MYBL2: variants seen among roughly 807,000 people sequenced by gnomAD.
MYBL2 encodes myb-related protein B.
A neutral mutation model predicts 79.9 loss-of-function variants in MYBL2; 28 were observed. That is an observed-to-expected ratio of 0.35 (90% confidence interval 0.26 to 0.48). The LOEUF is 0.48. Ranked by LOEUF, MYBL2 falls within the 20% of genes least tolerant of loss-of-function variation. The pLI is 0.99. For synonymous variants in MYBL2, 378 were observed against 361.2 expected (o/e 1.05, Z -0.53); for missense variants, 735 against 893.9 (o/e 0.82, Z 2.27).
rs757655343 is a variant in MYBL2, at chr20:43,705,347, G to T, written c.1494G>T (p.Gln498His). Reference sequence around the variant, plus strand: ...ACCGGGACAAGACACCCCTGCACCAGAAACATGCTGCGTGAGTGCTGCAGT... The same window carrying T: ...ACCGGGACAAGACACCCCTGCACCATAAACATGCTGCGTGAGTGCTGCAGT... Reference protein sequence around the residue: ...PLHRDKTPLHQKHAAFVTPDQ... With the variant: ...PLHRDKTPLHHKHAAFVTPDQ... The change falls in exon 9 of 14, where the codon CAG (glutamine) becomes CAT (histidine). Residue 498 changes from glutamine to histidine, a missense_variant. By Grantham distance (24) the Gln-to-His change is conservative. Coordinates refer to ENST00000217026, the MANE Select transcript of MYBL2 (RefSeq NM_002466.4). 4 of 1,611,974 alleles carry T rather than the reference G, an allele frequency of 2.5e-6. No individual in the cohort carries two copies. The Admixed American group carries it at 6.7e-5, about 27-fold the overall frequency.
intron 4 of MYBL2, 64 bp downstream of exon 4, chr20:43,682,950 T>A: frequency 6.7e-7 from 1 of 1,483,640 alleles, no homozygotes; most frequent in East Asian, 2.3e-5. Context: ...CTGGGGACTG[T>A]GAGATTGCCT....
intron 9 of MYBL2, among the ~76,000 whole-genome samples, chr20:43,707,735 G>C (rs377638233): frequency 6.6e-6 from 1 of 152,050 alleles, no homozygotes; most frequent in Non-Finnish European, 1.5e-5. Flanking sequence ...AATTTGACAG[G>C]CTGTATGGTG....
intron 5 of MYBL2, 24 bp from the exon 6 acceptor site, chr20:43,692,133 A>G (rs2145721462): frequency 6.2e-7 from 1 of 1,609,866 alleles, no homozygotes. Context: ...CTGGGGTTCA[A>G]AGGCCCCCTG....
At position 43,680,745 on chromosome 20, in the gene MYBL2, G is replaced by T. The variant is rs562974653; in HGVS notation, c.115-1039G>T. Among the ~76,000 whole-genome samples, 53 of 152,210 alleles carry T rather than the reference G, an allele frequency of 3.5e-4. 1 individual carries two copies. The highest frequency in any genetic ancestry group is 1.3e-3 in the African/African-American group (52 of 41,526). On this transcript the variant is annotated intron_variant, in intron 2 of 13. Transcript: ENST00000217026. The stretch of plus-strand genomic sequence containing the variant: ...CCTGACCTCGTGATCTGCCCACCAC[G>T]GCCTCCCAAAGTGCTGGGATTACAG...
At chr20:43,693,845 G>A (rs1987471393) in intron 6 of MYBL2, among the ~76,000 whole-genome samples, 1 of 152,068 alleles carries the variant, frequency 6.6e-6, no homozygotes, top group Non-Finnish European at 1.5e-5. Context: ...GAGCCCAGGA[G>A]TTTAAGACCA....
At position 43,687,055 on chromosome 20, in the gene MYBL2, C is replaced by T; in HGVS notation, c.483C>T (p.Ala161=). Residue 161 remains alanine (A), a synonymous_variant, in exon 5 of 14, where the codon GCC becomes GCT. Coordinates refer to ENST00000217026, the MANE Select transcript of MYBL2 (RefSeq NM_002466.4). ...TGGGCAACCGCTGGGCCGAGATCGC[C>T]AAGATGTTGCCAGGGAGGTAAGCTG... is the stretch of plus-strand genomic sequence containing the variant. ...KVLGNRWAEI[A]KMLPGRTDNA... The T allele has an allele frequency of 1.2e-6, 2 of 1,612,864 alleles. No homozygotes were observed. Among genetic ancestry groups the T allele is most frequent in the Admixed American group, 1.7e-5 (1 of 60,002 alleles).
chr20:43,692,386 A>G (rs763333355), intron 6 of MYBL2, 67 bp downstream of exon 6: 155 of 1,580,268 alleles, frequency 9.8e-5, no homozygotes, highest in Middle Eastern at 1.7e-4. Context: ...CTCATTGAAC[A>G]CCTTGTCCAC....
chr20:43,682,753 A>G, intron 3 of MYBL2, 41 bp from the exon 4 acceptor site: 3 of 1,601,402 alleles, frequency 1.9e-6, no homozygotes, highest in Non-Finnish European at 1.7e-6. Flanking sequence ...GAGGTCCCAG[A>G]AGTTCTCACA....
At chr20:43,713,587 A>G (rs1357765866) in intron 12 of MYBL2, among the ~76,000 whole-genome samples, 1 of 151,850 alleles carries the variant, frequency 6.6e-6, no homozygotes, top group Non-Finnish European at 1.5e-5. Context: ...GGGTTTCTCC[A>G]TGTTGGTCAG....
chr20:43,706,994 G>A (rs1600563678), intron 9 of MYBL2, among the ~76,000 whole-genome samples: 2 of 151,442 alleles, frequency 1.3e-5, no homozygotes, highest in South Asian at 4.2e-4. Flanking sequence ...GATTATATGT[G>A]TGAGCCACTG....
At chr20:43,676,409 T>C (rs1337358781) in intron 2 of MYBL2, among the ~76,000 whole-genome samples, 3 of 152,212 alleles carry the variant, frequency 2.0e-5, no homozygotes, top group Admixed American at 6.5e-5. Flanking sequence ...GGATAATATG[T>C]TTTGCCTGTT....
At chr20:43,698,821 G>A (rs1212241101) in intron 6 of MYBL2, among the ~76,000 whole-genome samples, 1 of 141,160 alleles carries the variant, frequency 7.1e-6, no homozygotes, top group African/African-American at 2.6e-5. Context: ...GGTGTGAGCC[G>A]CCACACCCAG....
At chr20:43,696,729 G>A (rs1465461595) in intron 6 of MYBL2, among the ~76,000 whole-genome samples, 1 of 152,242 alleles carries the variant, frequency 6.6e-6, no homozygotes, top group African/African-American at 2.4e-5. Context: ...GAACTGTGTG[G>A]TTGATTTTTT....
intron 8 of MYBL2, among the ~76,000 whole-genome samples, chr20:43,703,824 G>A (rs138938445): frequency 4.6e-5 from 7 of 152,224 alleles, no homozygotes; most frequent in East Asian, 1.9e-4. Context: ...CCACAGGCTC[G>A]GTGGATTTGA....
At chr20:43,715,589 T>G (rs1988013424) in intron 13 of MYBL2, among the ~76,000 whole-genome samples, 2 of 152,198 alleles carry the variant, frequency 1.3e-5, no homozygotes, top group South Asian at 4.1e-4. Context: ...TGTAACTAAG[T>G]CATTATCCCT....
rs758714553 is a variant in MYBL2, at chr20:43,716,078, C to A, written c.2094C>A (p.Ile698=). The A allele has an allele frequency of 6.2e-7, 1 of 1,607,482 alleles. No homozygotes were observed. The highest frequency in any genetic ancestry group is 1.7e-5 in the Admixed American group (1 of 59,924). The change falls in exon 14 of 14, where the codon ATC becomes ATA. Residue 698 remains isoleucine (I), a synonymous_variant. Coordinates refer to ENST00000217026, the MANE Select transcript of MYBL2 (RefSeq NM_002466.4). ...CCAGCCACACATCTCGGACCCTCAT[C>A]TTGTCCTGAGGTGTTGAGGGTGTCA... ...LKPSHTSRTL[I]LS
At position 43,686,866 on chromosome 20, in the gene MYBL2, T is replaced by A. The variant is rs777663140; in HGVS notation, c.294T>A (p.Val98=). The part of the protein sequence containing the change: ...KEEDQKVIEL[V]KKYGTKQWTL... Reference sequence around the variant, plus strand: ...TTTTCTCTAAGGTCATCGAGCTGGTTAAGAAGTATGGCACAAAGCAGTGGA... The same window carrying A: ...TTTTCTCTAAGGTCATCGAGCTGGTAAAGAAGTATGGCACAAAGCAGTGGA... The change falls in exon 5 of 14, where the codon GTT becomes GTA. Residue 98 remains valine, a synonymous_variant. Coordinates refer to ENST00000217026, the MANE Select transcript of MYBL2 (RefSeq NM_002466.4). 2 of 1,613,994 alleles carry A rather than the reference T, an allele frequency of 1.2e-6. No homozygotes were observed. Among genetic ancestry groups the A allele is most frequent in the Non-Finnish European group, 1.7e-6 (2 of 1,180,032 alleles).
intron 8 of MYBL2, among the ~76,000 whole-genome samples, chr20:43,703,481 GTC>G (rs1264445176): frequency 6.6e-6 from 1 of 152,212 alleles, no homozygotes; most frequent in African/African-American, 2.4e-5. Context: ...GGGTGCCAGG[GTC>G]TCTCTGAGAT....
At chr20:43,683,551 A>ATT (rs1181872489) in intron 4 of MYBL2, among the ~76,000 whole-genome samples, 2 of 137,818 alleles carry the variant, frequency 1.5e-5, no homozygotes, top group Admixed American at 7.3e-5. Context: ...GGAACTAGGC[A>ATT]TTTTTTTTTT....
Sources: gnomAD v4.1 joint callset for allele counts (sites outside exome capture counted in the v4.1 genomes callset) on GRCh38, gnomAD v4.1.1 for gene constraint, MANE v1.5 for transcripts, NCBI Gene and HGNC (gene_info 2026-07-23, HGNC 2026-07-21) for gene names.